The following IMMP2L variants were observed in gnomAD, a reference collection of about 807,000 sequenced individuals.
IMMP2L encodes the protein mitochondrial inner membrane protease subunit 2.
IMMP2L carries 18 observed loss-of-function variants against 19.3 expected under a neutral mutation model. The ratio of observed to expected loss-of-function variants is 0.93; its 90% CI spans 0.64 to 1.38. IMMP2L has a LOEUF of 1.38. Ranked by LOEUF, IMMP2L falls within the 40% of genes most tolerant of loss-of-function variation. IMMP2L has a pLI of 0.00. For missense variants in IMMP2L, 233 were observed against 218.2 expected (o/e 1.07, Z -0.43); for synonymous variants, 76 against 73.0 (o/e 1.04, Z -0.21).
chr7:111,254,435 C>A (rs1816482856), intron 3 of IMMP2L, among the ~76,000 whole-genome samples: 1 of 151,954 alleles, frequency 6.6e-6, no homozygotes, highest in Admixed American at 6.6e-5. Flanking sequence ...ATCTGTTAAA[C>A]AGAAATGAAC....
chr7:111,273,006 T>C (rs889757883), intron 3 of IMMP2L, among the ~76,000 whole-genome samples: 2 of 152,030 alleles, frequency 1.3e-5, no homozygotes, highest in African/African-American at 2.4e-5. Flanking sequence ...AAATTAAAAA[T>C]AGCTCAGCAT....
rs201324667 is a variant in IMMP2L at position 111,358,256 on chromosome 7, TCTCAG to T, written c.239+128977_239+128981del. ...GATGCATTATCTTACTACCCTCTAT[TCTCAG>T]CTCCTCAATGACCAGGATATAACCA... is the stretch of plus-strand genomic sequence containing the variant. On this transcript the variant is annotated intron_variant, in intron 3 of 5. Coordinates refer to ENST00000405709, the MANE Select transcript of IMMP2L (RefSeq NM_032549.4). 6.8e-3 allele frequency among the ~76,000 whole-genome samples: 1,026 copies of T among 151,146 alleles called. 13 individuals carry two copies. Among genetic ancestry groups the T allele is most frequent in the African/African-American group, 0.022 (912 of 41,086 alleles).
intron 3 of IMMP2L, among the ~76,000 whole-genome samples, chr7:111,214,340 T>TC (rs1811673288): frequency 8.2e-6 from 1 of 121,562 alleles, no homozygotes; most frequent in Non-Finnish European, 1.8e-5. Flanking sequence ...TCTTTTTTTT[T>TC]TTTTTTTTTT....
At chr7:110,881,792 A>G (rs750723458) in intron 5 of IMMP2L, among the ~76,000 whole-genome samples, 23 of 150,600 alleles carry the variant, frequency 1.5e-4, no homozygotes, top group Middle Eastern at 3.4e-3. Context: ...AATGCAGCTG[A>G]AACCCATTAA....
At chr7:111,393,450 CCAAA>C (rs1832579753) in intron 3 of IMMP2L, among the ~76,000 whole-genome samples, 1 of 152,070 alleles carries the variant, frequency 6.6e-6, no homozygotes, top group South Asian at 2.1e-4. Context: ...AAGTTTTGCA[CCAAA>C]CAATGTGCAG....
chr7:110,683,577 T>C (rs765455498), intron 5 of IMMP2L, among the ~76,000 whole-genome samples: 2 of 152,224 alleles, frequency 1.3e-5, no homozygotes, highest in South Asian at 2.1e-4. Context: ...TAAACTATCA[T>C]ACAGATTTTT....
chr7:111,094,116 G>T (rs1316684432), intron 3 of IMMP2L, among the ~76,000 whole-genome samples: 2 of 151,994 alleles, frequency 1.3e-5, no homozygotes, highest in Non-Finnish European at 2.9e-5. Context: ...CCATGTGATG[G>T]GTTTGATGTT....
intron 3 of IMMP2L, among the ~76,000 whole-genome samples, chr7:111,459,852 A>T (rs919580246): frequency 1.3e-5 from 2 of 152,174 alleles, no homozygotes; most frequent in African/African-American, 4.8e-5. Flanking sequence ...GTGCACTGTC[A>T]TTCCTAAGAA....
At chr7:111,475,792 T>C (rs1841666734) in intron 3 of IMMP2L, among the ~76,000 whole-genome samples, 1 of 152,126 alleles carries the variant, frequency 6.6e-6, no homozygotes, top group South Asian at 2.1e-4. Flanking sequence ...CCTGCCAACA[T>C]TTATGTTTGC....
At chr7:110,690,438 G>A (rs1326474182) in intron 5 of IMMP2L, among the ~76,000 whole-genome samples, 1 of 152,074 alleles carries the variant, frequency 6.6e-6, no homozygotes, top group Non-Finnish European at 1.5e-5. Flanking sequence ...AACCTCGGTT[G>A]TTGGAAGTTC....
At chr7:110,705,519 G>A (rs1584559926) in intron 5 of IMMP2L, among the ~76,000 whole-genome samples, 2 of 152,208 alleles carry the variant, frequency 1.3e-5, no homozygotes, top group Admixed American at 1.3e-4. Context: ...GATGAAGCAG[G>A]TCAAAATATT....
intron 2 of IMMP2L, among the ~76,000 whole-genome samples, chr7:111,502,616 C>G (rs1244031210): frequency 6.6e-6 from 1 of 151,982 alleles, no homozygotes; most frequent in Non-Finnish European, 1.5e-5. Context: ...TTATAACAAA[C>G]TATCTCTCAG....
At chr7:111,083,509 C>G (rs537686241) in intron 3 of IMMP2L, among the ~76,000 whole-genome samples, 1 of 152,080 alleles carries the variant, frequency 6.6e-6, no homozygotes, top group East Asian at 1.9e-4. Context: ...CTATAAAACC[C>G]GCAAAGGAGA....
At chr7:111,280,018 C>A (rs1267761489) in intron 3 of IMMP2L, among the ~76,000 whole-genome samples, 2 of 152,064 alleles carry the variant, frequency 1.3e-5, no homozygotes, top group Non-Finnish European at 2.9e-5. Flanking sequence ...CACAAATAAG[C>A]CAGGATTTAT....
At chr7:110,888,098 A>G (rs1810416822) in intron 4 of IMMP2L, among the ~76,000 whole-genome samples, 1 of 152,166 alleles carries the variant, frequency 6.6e-6, no homozygotes, top group Non-Finnish European at 1.5e-5. Flanking sequence ...CAACGAAGCA[A>G]TATTGTGGCT....
intron 3 of IMMP2L, among the ~76,000 whole-genome samples, chr7:111,307,588 A>G (rs916772831): frequency 2.0e-5 from 3 of 151,642 alleles, no homozygotes; most frequent in Non-Finnish European, 4.4e-5. Flanking sequence ...ATATACCATT[A>G]TAAAATATAA....
intron 3 of IMMP2L, among the ~76,000 whole-genome samples, chr7:111,220,398 G>T (rs1208927270): frequency 4.6e-5 from 7 of 151,986 alleles, no homozygotes; most frequent in Admixed American, 2.6e-4. Context: ...TTCTGAATAT[G>T]TAAAATAAAT....
chr7:110,956,167 T>C (rs188670986), intron 4 of IMMP2L, among the ~76,000 whole-genome samples: 1 of 152,150 alleles, frequency 6.6e-6, no homozygotes, highest in East Asian at 1.9e-4. Flanking sequence ...CAGAAAGTTG[T>C]TTTTAATAAA....
chr7:110,779,871 G>C (rs910960198), intron 5 of IMMP2L, among the ~76,000 whole-genome samples: 1 of 151,728 alleles, frequency 6.6e-6, no homozygotes, highest in Admixed American at 6.6e-5. Flanking sequence ...AAAGTTCCTA[G>C]GGAACTGCCT....
Sources: gnomAD v4.1 joint callset for allele counts (sites outside exome capture counted in the v4.1 genomes callset) on GRCh38, gnomAD v4.1.1 for gene constraint, MANE v1.5 for transcripts, NCBI Gene and HGNC (gene_info 2026-07-23, HGNC 2026-07-21) for gene names.